The following ADARB1 variants were observed in gnomAD, a reference collection of about 807,000 sequenced individuals.
The protein encoded by ADARB1 is double-stranded RNA-specific editase 1.
ADARB1 carries 10 observed loss-of-function variants against 52.4 expected under a neutral mutation model. The observed-to-expected ratio is 0.19, with a 90% CI of 0.12 to 0.32. The LOEUF (loss-of-function observed/expected upper bound fraction) is 0.32. Among genes scored for constraint, ADARB1 ranks in the 10% least tolerant of loss-of-function variants. The pLI, the probability that ADARB1 is intolerant of heterozygous loss-of-function variation, is 1.00. For synonymous variants in ADARB1, 349 were observed against 371.1 expected, an observed-to-expected ratio of 0.94 and a Z score of 0.68; for missense variants, 643 against 922.3, an observed-to-expected ratio of 0.70 and a Z score of 3.92.
At chr21:45,213,299 A>G (rs1205978332) in intron 9 of ADARB1, among the ~76,000 whole-genome samples, 2 of 152,138 alleles carry the variant, frequency 1.3e-5, no homozygotes, top group Non-Finnish European at 2.9e-5. Flanking sequence ...GTTTGTGTGA[A>G]TTTTTGGAAT....
intron 1 of ADARB1, among the ~76,000 whole-genome samples, chr21:45,089,348 G>C (rs936399571): frequency 3.3e-5 from 5 of 152,208 alleles, no homozygotes; most frequent in Non-Finnish European, 5.9e-5. Flanking sequence ...ACCCATGGCA[G>C]AATATGATGG....
chr21:45,170,745 TTC>T (rs2091448310), intron 2 of ADARB1, among the ~76,000 whole-genome samples: 1 of 152,202 alleles, frequency 6.6e-6, no homozygotes, highest in Non-Finnish European at 1.5e-5. Flanking sequence ...TTTGCAAATC[TTC>T]TTTTTCCTCA....
intron 8 of ADARB1, among the ~76,000 whole-genome samples, chr21:45,193,929 A>G (rs1348752005): frequency 2.6e-5 from 4 of 152,226 alleles, no homozygotes; most frequent in Non-Finnish European, 4.4e-5. Context: ...ACTCAATGCA[A>G]TCCTAATCAA....
rs12483723 is a variant in ADARB1 at position 45,086,869 on chromosome 21, C to A, written c.-220+12076C>A. On this transcript the variant is annotated intron_variant, in intron 1 of 10. Transcript: ENST00000348831. ...TTCGAAATGGAGTTTAAGACAGAAG[C>A]CTTTGTTTGATACTGATAATGCTAG... Among the ~76,000 whole-genome samples, 477 of 152,236 alleles carry A rather than the reference C, an allele frequency of 3.1e-3. 4 individuals are homozygous for A. Among genetic ancestry groups the A allele is most frequent in the Middle Eastern group, 0.014 (4 of 294 alleles).
intron 1 of ADARB1, among the ~76,000 whole-genome samples, chr21:45,088,104 A>C (rs186702457): frequency 6.6e-6 from 1 of 152,214 alleles, no homozygotes; most frequent in African/African-American, 2.4e-5. Context: ...GTGGTCTTTA[A>C]TAGATGCATG....
At chr21:45,111,098 A>T (rs1486931090) in intron 1 of ADARB1, among the ~76,000 whole-genome samples, 1 of 152,106 alleles carries the variant, frequency 6.6e-6, no homozygotes, top group Non-Finnish European at 1.5e-5. Context: ...CAGCTGAGTG[A>T]AGCATTGCAG....
intron 1 of ADARB1, among the ~76,000 whole-genome samples, chr21:45,089,877 G>A (rs917066941): frequency 6.6e-6 from 1 of 152,194 alleles, no homozygotes; most frequent in Non-Finnish European, 1.5e-5. Flanking sequence ...ATCCTTTTGG[G>A]AACATGCGTC....
At chr21:45,098,708 A>G (rs749714817) in intron 1 of ADARB1, among the ~76,000 whole-genome samples, 123 of 152,228 alleles carry the variant, frequency 8.1e-4, no homozygotes, top group Middle Eastern at 3.4e-3. Flanking sequence ...AGTGTGGGGG[A>G]TGGCGAGTGC....
chr21:45,184,904 A>C lies in ADARB1; in HGVS notation c.1397-19A>C. ...GATGGTTTACTACCTGTGGGGTTTT[A>C]ACTCTTTTTCTCTCTTAGAACCAGC... On this transcript the variant is annotated intron_variant, in intron 7 of 10. Transcript: ENST00000348831. 6.3e-7 allele frequency: 1 copy of C among 1,594,010 alleles called. No homozygotes were observed. The highest frequency in any genetic ancestry group is 8.6e-7 in the Non-Finnish European group (1 of 1,164,894).
chr21:45,223,497 G>T lies in ADARB1; in HGVS notation c.*1300G>T. 1 of 985,654 alleles carries T rather than the reference G, an allele frequency of 1.0e-6. No individual in the cohort carries two copies. The highest frequency in any genetic ancestry group is 1.2e-6 in the Non-Finnish European group (1 of 830,102). The allele number at this position is 985,654 out of a possible 1,614,324, so 61.1% of individuals were successfully genotyped here. A position where few individuals can be genotyped will look rare whatever the true frequency, so the allele number is the denominator to read the frequency against. ...TTGCACCAGGTGCCTTGTTGCCTCC[G>T]CTCAGGATGAAAGAGGAGCTGAGAG... On this transcript the variant is annotated 3_prime_UTR_variant, in exon 11 of 11. Coordinates refer to ENST00000348831, the MANE Select transcript of ADARB1 (RefSeq NM_001112.4).
chr21:45,195,785 C>T (rs904817876), intron 8 of ADARB1, among the ~76,000 whole-genome samples: 7 of 152,074 alleles, frequency 4.6e-5, no homozygotes, highest in Non-Finnish European at 1.0e-4. Context: ...TATTCTTTCA[C>T]CAATACCATG....
At chr21:45,158,144 G>T (rs4819030) in intron 2 of ADARB1, among the ~76,000 whole-genome samples, 47,406 of 151,956 alleles carry the variant, frequency 0.31, 7,916 homozygotes, top group East Asian at 0.4. Context: ...AGGAGAGGAG[G>T]CGGAAGGGCC....
intron 1 of ADARB1, among the ~76,000 whole-genome samples, chr21:45,124,155 T>G (rs1051828048): frequency 2.0e-5 from 3 of 152,242 alleles, no homozygotes; most frequent in Non-Finnish European, 4.4e-5. Context: ...AAAATATTAT[T>G]GGATTGAGTG....
chr21:45,079,582 A>G (rs1161983816), intron 1 of ADARB1, among the ~76,000 whole-genome samples: 2 of 152,180 alleles, frequency 1.3e-5, no homozygotes, highest in Admixed American at 6.5e-5. Flanking sequence ...TTGTGCAGCT[A>G]CTTCCTAGAT....
chr21:45,186,851 A>G (rs527244830), intron 8 of ADARB1, among the ~76,000 whole-genome samples: 1 of 152,272 alleles, frequency 6.6e-6, no homozygotes, highest in African/African-American at 2.4e-5. Context: ...ACATATACAC[A>G]AGGGTTTATT....
At chr21:45,184,123 A>G (rs1421645570) in intron 7 of ADARB1, among the ~76,000 whole-genome samples, 1 of 152,262 alleles carries the variant, frequency 6.6e-6, no homozygotes, top group African/African-American at 2.4e-5. Context: ...TTAAAATATA[A>G]GAACATTAAA....
rs114751856 is a variant in ADARB1, at chr21:45,143,282, C to T, written c.-48+14709C>T. Among the ~76,000 whole-genome samples, 280 of 152,332 alleles carry T rather than the reference C, an allele frequency of 1.8e-3. 2 individuals carry two copies. The highest frequency in any genetic ancestry group is 6.5e-3 in the African/African-American group (271 of 41,592). The stretch of plus-strand genomic sequence containing the variant: ...CTCCAAACTCAGACCCCAAGTCCAG[C>T]AGCATCTTCTCTCAGGCATCTATAG... On this transcript the variant is annotated intron_variant, in intron 2 of 10. Transcript: ENST00000348831.
chr21:45,118,515 C>G (rs959173634), intron 1 of ADARB1: 2 of 152,274 alleles, frequency 1.3e-5, no homozygotes, highest in South Asian at 2.1e-4. Flanking sequence ...ATTCTAGGAT[C>G]GTATAATTTT....
At chr21:45,108,575 C>A (rs985137693) in intron 1 of ADARB1, among the ~76,000 whole-genome samples, 2 of 152,174 alleles carry the variant, frequency 1.3e-5, no homozygotes, top group African/African-American at 4.8e-5. Flanking sequence ...TGCCAGGATG[C>A]CCCCGCTCTA....
Sources: allele counts gnomAD v4.1 joint callset (sites outside exome capture counted in the v4.1 genomes callset), GRCh38; gene constraint gnomAD v4.1.1; transcripts MANE v1.5; gene names NCBI Gene and HGNC (gene_info 2026-07-23, HGNC 2026-07-21).